The following PINX1 variants were observed in gnomAD, a reference collection of about 807,000 sequenced individuals.
PINX1 encodes the protein PIN2/TERF1-interacting telomerase inhibitor 1.
PINX1 carries 34 observed loss-of-function variants against 25.4 expected under a neutral mutation model. The observed-to-expected ratio is 1.34, with a 90% CI of 1.02 to 1.78. The LOEUF is 1.78. Ranked by LOEUF, PINX1 falls within the 40% of genes most tolerant of loss-of-function variation. The pLI, the probability that PINX1 is intolerant of heterozygous loss-of-function variation, is 0.00. For missense variants in PINX1, 592 were observed against 404.9 expected, an observed-to-expected ratio of 1.46 and a Z score of -3.97; for synonymous variants, 197 against 147.7, an observed-to-expected ratio of 1.33 and a Z score of -2.42.
chr8:10,781,875 C>T (rs1406943613), intron 6 of PINX1, among the ~76,000 whole-genome samples: 3 of 152,166 alleles, frequency 2.0e-5, no homozygotes, highest in Non-Finnish European at 4.4e-5. Flanking sequence ...GTGAAGATGC[C>T]TGCAGTCCCA....
At chr8:10,810,615 C>A (rs539633968) in intron 6 of PINX1, among the ~76,000 whole-genome samples, 1 of 152,142 alleles carries the variant, frequency 6.6e-6, no homozygotes, top group Non-Finnish European at 1.5e-5. Context: ...CCTGCCCTCA[C>A]GGGGATCCCA....
chr8:10,826,243 A>C lies in PINX1; in HGVS notation c.303T>G (p.Asp101Glu). Reference protein sequence around the residue: ...LNTCHGQETTDSSDKKEKKSF... With the variant: ...LNTCHGQETTESSDKKEKKSF... ...ATTTCTTTTCCTTCTTGTCCGAGGA[A>C]TCTTTAAAAAAGATGAAAAAAATAC... The change falls in exon 5 of 7, where the codon GAT (aspartate) becomes GAG (glutamate). Residue 101 changes from aspartate to glutamate, a missense_variant and splice_region_variant. Physicochemically the swap from Asp to Glu is conservative, Grantham distance 45 (BLOSUM62 2). Coordinates refer to ENST00000314787, the MANE Select transcript of PINX1 (RefSeq NM_017884.6). 1 of 1,532,840 alleles carries C rather than the reference A, an allele frequency of 6.5e-7. No individual in the cohort carries two copies. The highest frequency in any genetic ancestry group is 9.0e-7 in the Non-Finnish European group (1 of 1,117,208). The allele number at this position is 1,532,840 out of a possible 1,614,324, so 95.0% of individuals were successfully genotyped here.
At chr8:10,767,092 G>GAATTA (rs1801075798) in intron 6 of PINX1, among the ~76,000 whole-genome samples, 1 of 142,272 alleles carries the variant, frequency 7.0e-6, no homozygotes, top group South Asian at 2.2e-4. Context: ...TATCTCACAA[G>GAATTA]AAGAGGCTGG....
At chr8:10,838,646 T>C (rs1798478146) in intron 1 of PINX1, among the ~76,000 whole-genome samples, 1 of 152,196 alleles carries the variant, frequency 6.6e-6, no homozygotes, top group Non-Finnish European at 1.5e-5. Flanking sequence ...ATCTTAGCTA[T>C]CTAGGCTCTA....
chr8:10,770,695 A>G (rs1472187512), intron 6 of PINX1, among the ~76,000 whole-genome samples: 1 of 152,224 alleles, frequency 6.6e-6, no homozygotes, highest in African/African-American at 2.4e-5. Flanking sequence ...GGGCAAGGAA[A>G]TGAAGCAGTT....
intron 6 of PINX1, 77 bp from the exon 7 acceptor site, chr8:10,765,993 C>T: frequency 5.5e-6 from 8 of 1,442,560 alleles, no homozygotes; most frequent in South Asian, 3.9e-5. Context: ...GGCACCCACA[C>T]CCGGCGCTCA....
chr8:10,773,503 G>T (rs1801294602), intron 6 of PINX1, among the ~76,000 whole-genome samples: 3 of 152,212 alleles, frequency 2.0e-5, no homozygotes, highest in Admixed American at 2.0e-4. Context: ...CCGCTTGGAA[G>T]TTACAAACTC....
intron 6 of PINX1, among the ~76,000 whole-genome samples, chr8:10,767,172 CT>C: frequency 6.6e-6 from 1 of 152,272 alleles, no homozygotes; most frequent in South Asian, 2.1e-4. Context: ...AATCAGGATT[CT>C]ACTAATGATC....
chr8:10,767,690 A>G (rs547450864), intron 6 of PINX1, among the ~76,000 whole-genome samples: 16 of 152,218 alleles, frequency 1.1e-4, no homozygotes, highest in Non-Finnish European at 2.9e-5. Context: ...ATGAACAAGA[A>G]AGATCCTGCC....
intron 2 of PINX1, 25 bp from the exon 3 acceptor site, chr8:10,833,009 T>G (rs1446126569): frequency 7.0e-7 from 1 of 1,437,586 alleles, no homozygotes; most frequent in Non-Finnish European, 9.7e-7. Context: ...CACAGAGAGT[T>G]AGAACATTCC....
intron 2 of PINX1, 28 bp downstream of exon 2, chr8:10,834,638 G>C (rs371106831): frequency 1.2e-5 from 19 of 1,609,564 alleles, no homozygotes; most frequent in East Asian, 2.2e-5. Flanking sequence ...TCATAGCTCA[G>C]ATTTTTTTCC....
intron 6 of PINX1, among the ~76,000 whole-genome samples, chr8:10,771,910 T>C (rs915585623): frequency 1.3e-5 from 2 of 152,204 alleles, no homozygotes; most frequent in African/African-American, 4.8e-5. Context: ...TGTCAGCCAG[T>C]TCCTTCCTGG....
chr8:10,824,033 G>C (rs1448876065), intron 5 of PINX1, among the ~76,000 whole-genome samples: 2 of 152,154 alleles, frequency 1.3e-5, no homozygotes, highest in African/African-American at 4.8e-5. Flanking sequence ...ATGAGTTACA[G>C]TCGTTATCAG....
intron 6 of PINX1, among the ~76,000 whole-genome samples, chr8:10,767,323 C>G (rs1801085225): frequency 6.6e-6 from 1 of 152,072 alleles, no homozygotes; most frequent in South Asian, 2.1e-4. Flanking sequence ...GTTGCAGTTC[C>G]AGCAGAATCG....
At chr8:10,829,948 T>G (rs1250312978) in intron 4 of PINX1, among the ~76,000 whole-genome samples, 2 of 152,194 alleles carry the variant, frequency 1.3e-5, no homozygotes, top group African/African-American at 4.8e-5. Flanking sequence ...CCTCCCAAAG[T>G]GCTGGTATTA....
At chr8:10,775,011 A>C (rs1440216453) in intron 6 of PINX1, among the ~76,000 whole-genome samples, 1 of 152,218 alleles carries the variant, frequency 6.6e-6, no homozygotes, top group East Asian at 1.9e-4. Context: ...TAGCATAGAC[A>C]AAAACTAAAC....
At chr8:10,793,977 C>G (rs1185715251) in intron 6 of PINX1, among the ~76,000 whole-genome samples, 1 of 152,180 alleles carries the variant, frequency 6.6e-6, no homozygotes, top group Non-Finnish European at 1.5e-5. Flanking sequence ...AAAAGCTACG[C>G]TGCTCAACAT....
At chr8:10,813,851 G>A (rs905207364) in intron 6 of PINX1, among the ~76,000 whole-genome samples, 10 of 151,118 alleles carry the variant, frequency 6.6e-5, no homozygotes, top group South Asian at 6.3e-4. Flanking sequence ...GGCTCAATCC[G>A]GAAACAAGCT....
chr8:10,780,037 A>G (rs772421136), intron 6 of PINX1, among the ~76,000 whole-genome samples: 3 of 152,230 alleles, frequency 2.0e-5, no homozygotes, highest in African/African-American at 4.8e-5. Context: ...TTATCTGTGT[A>G]TAGAGATACC....
Sources: allele counts gnomAD v4.1 joint callset (sites outside exome capture counted in the v4.1 genomes callset), GRCh38; gene constraint gnomAD v4.1.1; transcripts MANE v1.5; gene names NCBI Gene and HGNC (gene_info 2026-07-23, HGNC 2026-07-21).